SCRG1: variants seen among roughly 807,000 people sequenced by gnomAD.
The protein encoded by SCRG1 is scrapie-responsive protein 1.
A neutral mutation model predicts 7.7 loss-of-function variants in SCRG1; 3 were observed. That is an observed-to-expected ratio of 0.39 (90% CI 0.18 to 1.01). The LOEUF (loss-of-function observed/expected upper bound fraction) is 1.01. SCRG1 is among the 50% of genes least tolerant of loss of function. The pLI is 0.36. For synonymous variants in SCRG1, 46 were observed against 41.2 expected, an observed-to-expected ratio of 1.12 and a Z score of -0.44; for missense variants, 110 against 117.2, an observed-to-expected ratio of 0.94 and a Z score of 0.28.
chr4:173,391,511 T>C (rs1462021370), intron 1 of SCRG1, 83 bp from the exon 2 acceptor site: 13 of 1,378,384 alleles, frequency 9.4e-6, no homozygotes, highest in Non-Finnish European at 1.3e-5. Flanking sequence ...GTAGCATGCT[T>C]ATAAACCCTT....
the SCRG1 span, among the ~76,000 whole-genome samples, chr4:173,420,406 A>G: frequency 7.9e-4 from 120 of 152,352 alleles, no homozygotes; most frequent in Non-Finnish European, 1.5e-3. Flanking sequence ...CTTGGCACAT[A>G]GTAGGTGCTG....
the SCRG1 span, among the ~76,000 whole-genome samples, chr4:173,427,831 A>T: frequency 1.1e-4 from 16 of 152,350 alleles, no homozygotes; most frequent in South Asian, 2.5e-3. Flanking sequence ...TAAAAGAGTT[A>T]AGTATGGTAA....
At chr4:173,496,054 T>A in the SCRG1 span, among the ~76,000 whole-genome samples, 1 of 151,674 alleles carries the variant, frequency 6.6e-6, no homozygotes, top group African/African-American at 2.4e-5. Context: ...GAAACGAGAG[T>A]ATTCAATATA....
chr4:173,389,971 C>T (rs1239834547), intron 2 of SCRG1: 1 of 262,850 alleles, frequency 3.8e-6, no homozygotes, highest in South Asian at 3.4e-5. Context: ...CCTCAATAAC[C>T]AGGGGGAAAT....
the SCRG1 span, among the ~76,000 whole-genome samples, chr4:173,451,762 A>G: frequency 3.3e-5 from 5 of 151,756 alleles, no homozygotes; most frequent in South Asian, 1.0e-3. Flanking sequence ...TCTGCCTTCC[A>G]TGTTCAAGAG....
chr4:173,439,391 T>C, the SCRG1 span, among the ~76,000 whole-genome samples: 4 of 152,014 alleles, frequency 2.6e-5, no homozygotes, highest in African/African-American at 9.6e-5. Flanking sequence ...TCAATTACAG[T>C]GGAGGACACC....
the SCRG1 span, among the ~76,000 whole-genome samples, chr4:173,425,586 C>T: frequency 2.0e-5 from 3 of 152,282 alleles, no homozygotes; most frequent in African/African-American, 7.2e-5. Context: ...GTTCTTTGTG[C>T]TGTTAGAGCT....
At chr4:173,423,131 A>C in the SCRG1 span, among the ~76,000 whole-genome samples, 1 of 152,170 alleles carries the variant, frequency 6.6e-6, no homozygotes, top group Non-Finnish European at 1.5e-5. Flanking sequence ...AAAAATCTTA[A>C]CTATTAATAT....
chr4:173,461,051 A>G, the SCRG1 span, among the ~76,000 whole-genome samples: 1 of 152,208 alleles, frequency 6.6e-6, no homozygotes, highest in African/African-American at 2.4e-5. Flanking sequence ...CTCAGCCACA[A>G]TACAATAAAA....
chr4:173,492,156 AG>A, the SCRG1 span, among the ~76,000 whole-genome samples: 3 of 151,998 alleles, frequency 2.0e-5, no homozygotes, highest in Non-Finnish European at 4.4e-5. Flanking sequence ...AATAAAAAAA[AG>A]AGGACAATAT....
chr4:173,507,280 G>A, the SCRG1 span, among the ~76,000 whole-genome samples: 4 of 152,172 alleles, frequency 2.6e-5, no homozygotes, highest in African/African-American at 9.7e-5. This position sits in a 1 kb window ranked among gnomAD's most constrained non-coding sequence, Gnocchi z 4.4. Flanking sequence ...CTCGATGTCG[G>A]CTCACTGCAA....
At chr4:173,421,423 G>T in the SCRG1 span, among the ~76,000 whole-genome samples, 1 of 151,464 alleles carries the variant, frequency 6.6e-6, no homozygotes, top group Non-Finnish European at 1.5e-5. Flanking sequence ...TGTTGGGGGG[G>T]GGTTGATTTG....
chr4:173,384,865 T>G lies in SCRG1; in HGVS notation c.*3476A>C, dbSNP rs1739203782. 1.3e-5 allele frequency: 2 copies of G among 152,204 alleles called. No individual in the cohort carries two copies. Among genetic ancestry groups the G allele is most frequent in the Admixed American group, 6.5e-5 (1 of 15,280 alleles). 9.4% of individuals were successfully genotyped at this position (152,204 alleles called of 1,614,324 possible). A position where few individuals can be genotyped will look rare whatever the true frequency, so the allele number is the denominator to read the frequency against. ...TTGTTCAGTAAGCTTTTAGCATATA[T>G]GAGCTATCTGAAATGTACAATTGTG... On this transcript the variant is annotated 3_prime_UTR_variant, in exon 3 of 3. Coordinates refer to ENST00000296506, the MANE Select transcript of SCRG1 (RefSeq NM_007281.4).
the SCRG1 span, among the ~76,000 whole-genome samples, chr4:173,490,240 A>G: frequency 1.3e-5 from 2 of 152,222 alleles, no homozygotes; most frequent in African/African-American, 4.8e-5. Context: ...CTTTGACATT[A>G]TGGCTTATTA....
At chr4:173,476,656 C>T in the SCRG1 span, among the ~76,000 whole-genome samples, 1 of 151,742 alleles carries the variant, frequency 6.6e-6, no homozygotes, top group Admixed American at 6.6e-5. Context: ...ACTGAATCTC[C>T]AGCCTGATAT....
At chr4:173,398,670 G>C (rs1271566655) in intron 1 of SCRG1, among the ~76,000 whole-genome samples, 1 of 152,190 alleles carries the variant, frequency 6.6e-6, no homozygotes, top group African/African-American at 2.4e-5. Flanking sequence ...ACTTCATGTA[G>C]TGTAGGTAAT....
the SCRG1 span, among the ~76,000 whole-genome samples, chr4:173,463,365 C>A: frequency 1.3e-5 from 2 of 152,156 alleles, no homozygotes; most frequent in Non-Finnish European, 2.9e-5. Flanking sequence ...CCTCTGCCCC[C>A]CCGGGTTTAA....
the SCRG1 span, among the ~76,000 whole-genome samples, chr4:173,488,125 A>AT: frequency 6.6e-6 from 1 of 151,354 alleles, no homozygotes; most frequent in African/African-American, 2.4e-5. Flanking sequence ...AAATAAATAA[A>AT]TAAATAAATT....
chr4:173,429,867 A>G, the SCRG1 span, among the ~76,000 whole-genome samples: 1 of 152,210 alleles, frequency 6.6e-6, no homozygotes, highest in African/African-American at 2.4e-5. Context: ...ATTTCTAGCA[A>G]TGTTGCCAAG....
Sources: gnomAD v4.1 joint callset for allele counts (sites outside exome capture counted in the v4.1 genomes callset) on GRCh38, gnomAD v4.1.1 for gene constraint, Gnocchi (gnomAD v3.1) non-coding constraint, MANE v1.5 for transcripts, NCBI Gene and HGNC (gene_info 2026-07-23, HGNC 2026-07-21) for gene names.